The following CFDP1 variants were observed in gnomAD, a reference collection of about 807,000 sequenced individuals.
The protein encoded by CFDP1 is heterochromatin-stabilizing protein CFDP1.
In CFDP1, 31 loss-of-function variants were observed where a neutral mutation model predicts 40.1. That is an observed-to-expected ratio of 0.77 (90% CI 0.58 to 1.04). The LOEUF is 1.04. Ranked by LOEUF, CFDP1 falls within the 50% of genes least tolerant of loss-of-function variation. CFDP1 has a pLI of 0.00. For synonymous variants in CFDP1, 167 were observed against 120.0 expected, an observed-to-expected ratio of 1.39 and a Z score of -2.56; for missense variants, 423 against 343.4, an observed-to-expected ratio of 1.23 and a Z score of -1.83.
At chr16:75,349,670 A>ATATAT (rs2078595313) in intron 5 of CFDP1, among the ~76,000 whole-genome samples, 2 of 8,200 alleles carry the variant, frequency 2.4e-4, no homozygotes, top group Non-Finnish European at 5.0e-4. Context: ...AAAAAAAAAA[A>ATATAT]AAAAAAAAAA....
chr16:75,341,663 A>AT (rs1452077613), intron 5 of CFDP1, among the ~76,000 whole-genome samples: 4 of 151,944 alleles, frequency 2.6e-5, no homozygotes, highest in South Asian at 4.1e-4. Context: ...TAGAAAGGAA[A>AT]AAAAAAAAAG....
At chr16:75,432,941 A>G (rs1408509537) in intron 1 of CFDP1, among the ~76,000 whole-genome samples, 1 of 152,078 alleles carries the variant, frequency 6.6e-6, no homozygotes, top group African/African-American at 2.4e-5. Flanking sequence ...GCTGAAAAAA[A>G]CCTCCAAGGC....
At chr16:75,319,849 C>T (rs1180145051) in intron 5 of CFDP1, among the ~76,000 whole-genome samples, 5 of 152,188 alleles carry the variant, frequency 3.3e-5, no homozygotes, top group African/African-American at 1.2e-4. Context: ...AGCATGAGCC[C>T]TAAGTGTCAC....
chr16:75,349,684 A>ATATATATAT (rs1555557207), intron 5 of CFDP1, among the ~76,000 whole-genome samples: 1 of 8,280 alleles, frequency 1.2e-4, no homozygotes, highest in East Asian at 9.1e-3. Flanking sequence ...AAAAAAAAAA[A>ATATATATAT]AAAAAAATAT....
rs116593225 is a variant in CFDP1 at position 75,418,779 on chromosome 16, C to T, written c.65-4084G>A. Reference sequence around the variant, plus strand: ...CATTTCAGGTCTGAGGCAAAGAAAGCACAAGGTAAAACCAGGACATTTTTC... The same window carrying T: ...CATTTCAGGTCTGAGGCAAAGAAAGTACAAGGTAAAACCAGGACATTTTTC... On this transcript the variant is annotated intron_variant, in intron 1 of 6. Coordinates refer to ENST00000283882, the MANE Select transcript of CFDP1 (RefSeq NM_006324.3). Among the ~76,000 whole-genome samples, 1,143 of 147,432 alleles carry T rather than the reference C, an allele frequency of 7.8e-3. 21 individuals carry two copies. The highest frequency in any genetic ancestry group is 0.026 in the African/African-American group (1,048 of 40,082).
chr16:75,397,468 T>C (rs1017060218), intron 4 of CFDP1, among the ~76,000 whole-genome samples: 3 of 151,804 alleles, frequency 2.0e-5, no homozygotes, highest in African/African-American at 7.3e-5. Flanking sequence ...ATAGCATCAC[T>C]GCACTCCAGC....
chr16:75,383,905 C>A (rs2078871864), intron 5 of CFDP1, among the ~76,000 whole-genome samples: 1 of 150,804 alleles, frequency 6.6e-6, no homozygotes, highest in Non-Finnish European at 1.5e-5. Context: ...TTTACCTGAT[C>A]TCTTAAATGA....
At chr16:75,380,424 T>G (rs1163073266) in intron 5 of CFDP1, among the ~76,000 whole-genome samples, 1 of 152,048 alleles carries the variant, frequency 6.6e-6, no homozygotes, top group Non-Finnish European at 1.5e-5. Context: ...GGAAGACAGT[T>G]TCAATAACTT....
At chr16:75,303,895 T>C (rs1252884915) in intron 6 of CFDP1, among the ~76,000 whole-genome samples, 1 of 152,158 alleles carries the variant, frequency 6.6e-6, no homozygotes, top group Non-Finnish European at 1.5e-5. Context: ...GAAGCAGAGC[T>C]GCCGAGCAGC....
chr16:75,309,274 C>A (rs542723798), intron 5 of CFDP1, among the ~76,000 whole-genome samples: 4 of 152,132 alleles, frequency 2.6e-5, no homozygotes, highest in Admixed American at 1.3e-4. Context: ...GTGACCTTGC[C>A]GCTTTCTCTG....
At chr16:75,378,859 A>T (rs1205734079) in intron 5 of CFDP1, among the ~76,000 whole-genome samples, 2 of 152,204 alleles carry the variant, frequency 1.3e-5, no homozygotes, top group African/African-American at 4.8e-5. Flanking sequence ...CATAAAATTA[A>T]TATCAACAAA....
intron 5 of CFDP1, among the ~76,000 whole-genome samples, chr16:75,361,163 C>T (rs2078676998): frequency 6.6e-6 from 1 of 152,106 alleles, no homozygotes. Context: ...GCACGCACCA[C>T]CACACTCGGC....
intron 5 of CFDP1, among the ~76,000 whole-genome samples, chr16:75,352,235 G>A (rs2078617936): frequency 6.6e-6 from 1 of 151,890 alleles, no homozygotes; most frequent in Admixed American, 6.6e-5. Context: ...CAGCTACTGG[G>A]GAAGGTGAGG....
In CFDP1 at chr16:75,333,313, C is replaced by T. The variant is rs529285430; in HGVS notation, c.651-28131G>A. The stretch of plus-strand genomic sequence containing the variant: ...TAATTTTTTGTATTTTTAGTAGAGA[C>T]GGGGTTTCACCGTGTTAGCCAGGAT... On this transcript the variant is annotated intron_variant, in intron 5 of 6. Transcript: ENST00000283882. Among the ~76,000 whole-genome samples the T allele has an allele frequency of 4.2e-4, 63 of 150,662 alleles. 1 individual carries two copies. Among genetic ancestry groups the T allele is most frequent in the Admixed American group, 1.1e-3 (17 of 15,112 alleles).
At chr16:75,385,181 A>G (rs898539757) in intron 5 of CFDP1, among the ~76,000 whole-genome samples, 4 of 152,050 alleles carry the variant, frequency 2.6e-5, no homozygotes, top group East Asian at 1.9e-4. Context: ...TGATTCAAAG[A>G]TATTATTCCA....
intron 5 of CFDP1, among the ~76,000 whole-genome samples, chr16:75,327,351 A>G (rs1330215294): frequency 6.6e-6 from 1 of 152,150 alleles, no homozygotes; most frequent in Non-Finnish European, 1.5e-5. Context: ...AGAGGAAGAA[A>G]AGGCAGTCCC....
chr16:75,421,102 C>T (rs74024781), intron 1 of CFDP1, among the ~76,000 whole-genome samples: 2,663 of 152,226 alleles, frequency 0.017, 74 homozygotes, highest in African/African-American at 0.06. Context: ...AGGAGGCATG[C>T]GCACTGGGGT....
At chr16:75,304,366 C>T (rs1439177660) in intron 6 of CFDP1, among the ~76,000 whole-genome samples, 1 of 152,210 alleles carries the variant, frequency 6.6e-6, no homozygotes, top group African/African-American at 2.4e-5. Context: ...CCATGCCTGG[C>T]CACCATTTCT....
intron 1 of CFDP1, among the ~76,000 whole-genome samples, chr16:75,422,152 A>C (rs1183680856): frequency 1.3e-5 from 2 of 151,942 alleles, no homozygotes; most frequent in South Asian, 2.1e-4. Flanking sequence ...GCTGGAGTGC[A>C]ATGGTGCGAT....
Sources: gnomAD v4.1 joint callset for allele counts (sites outside exome capture counted in the v4.1 genomes callset) on GRCh38, gnomAD v4.1.1 for gene constraint, MANE v1.5 for transcripts, NCBI Gene and HGNC (gene_info 2026-07-23, HGNC 2026-07-21) for gene names.